The following ROBO1 variants were observed in gnomAD, a reference collection of about 807,000 sequenced individuals.
ROBO1 encodes roundabout guidance receptor 1.
Under a neutral mutation model 195.9 loss-of-function variants are expected in ROBO1, and 149 were observed. The ratio of observed to expected loss-of-function variants is 0.76; its 90% CI spans 0.67 to 0.87. ROBO1 has a LOEUF of 0.87. Ranked by LOEUF, ROBO1 falls within the 40% of genes least tolerant of loss-of-function variation. The pLI, the probability that ROBO1 is intolerant of heterozygous loss-of-function variation, is 0.00. For missense variants in ROBO1, 1,933 were observed against 2,068.3 expected (o/e 0.93, Z 1.27); for synonymous variants, 816 against 733.2 (o/e 1.11, Z -1.82).
At chr3:79,139,585 G>A (rs1221805900) in intron 2 of ROBO1, among the ~76,000 whole-genome samples, 1 of 152,062 alleles carries the variant, frequency 6.6e-6, no homozygotes, top group African/African-American at 2.4e-5. Flanking sequence ...GTCCGGTTGA[G>A]GTCTGCATTT....
intron 3 of ROBO1, among the ~76,000 whole-genome samples, chr3:78,944,758 C>T (rs1293475207): frequency 6.6e-6 from 1 of 152,188 alleles, no homozygotes; most frequent in Admixed American, 6.5e-5. Context: ...AATTCCCTTT[C>T]CTAGTCAAAG....
At chr3:79,615,568 A>T (rs9818953) in intron 1 of ROBO1, among the ~76,000 whole-genome samples, 3,898 of 152,056 alleles carry the variant, frequency 0.026, 72 homozygotes, top group Non-Finnish European at 0.04. Flanking sequence ...CAGCACTCAA[A>T]CCTAAGCTAA....
At chr3:78,992,980 A>G (rs1050816161) in intron 3 of ROBO1, among the ~76,000 whole-genome samples, 1 of 152,182 alleles carries the variant, frequency 6.6e-6, no homozygotes, top group Admixed American at 6.6e-5. Context: ...CTAGTTGGCC[A>G]TGGAGTGGCA....
intron 4 of ROBO1, among the ~76,000 whole-genome samples, chr3:78,769,902 T>C (rs913123520): frequency 6.6e-6 from 1 of 152,052 alleles, no homozygotes. Flanking sequence ...TGAAAATAGG[T>C]CCCCAATCCC....
chr3:79,661,276 C>T (rs1946320700), intron 1 of ROBO1, among the ~76,000 whole-genome samples: 1 of 152,078 alleles, frequency 6.6e-6, no homozygotes, highest in Admixed American at 6.6e-5. Flanking sequence ...GCAGAAAGAT[C>T]TGGCTATGCT....
chr3:79,289,928 TAAATGGTCTCTCTG>T (rs1345559022), intron 2 of ROBO1, among the ~76,000 whole-genome samples: 2 of 152,112 alleles, frequency 1.3e-5, no homozygotes, highest in Non-Finnish European at 2.9e-5. Flanking sequence ...TTTCAATAGT[TAAATGGTCTCTCTG>T]AAGGTACACA....
chr3:79,686,199 T>C (rs1947107429), intron 1 of ROBO1, among the ~76,000 whole-genome samples: 1 of 152,144 alleles, frequency 6.6e-6, no homozygotes, highest in Non-Finnish European at 1.5e-5. Context: ...CTCAATAAAT[T>C]AGGTATTGAT....
intron 8 of ROBO1, among the ~76,000 whole-genome samples, chr3:78,708,115 G>T (rs1171778053): frequency 6.6e-6 from 1 of 152,134 alleles, no homozygotes; most frequent in Non-Finnish European, 1.5e-5. Flanking sequence ...AGTTACAAAA[G>T]GAGTGGAAAG....
intron 2 of ROBO1, among the ~76,000 whole-genome samples, chr3:79,487,062 G>T (rs192060499): frequency 6.6e-6 from 1 of 152,000 alleles, no homozygotes; most frequent in African/African-American, 2.4e-5. Context: ...CCTTTGTCTT[G>T]TCACTCCTCT....
At chr3:79,675,148 G>T (rs946229070) in intron 1 of ROBO1, among the ~76,000 whole-genome samples, 1 of 151,818 alleles carries the variant, frequency 6.6e-6, no homozygotes, top group Non-Finnish European at 1.5e-5. Context: ...CATTAAACGT[G>T]CATTTGGTCA....
At chr3:79,111,317 T>A (rs1172985891) in intron 3 of ROBO1, among the ~76,000 whole-genome samples, 1 of 152,076 alleles carries the variant, frequency 6.6e-6, no homozygotes, top group African/African-American at 2.4e-5. Flanking sequence ...GTGTGAAAGT[T>A]TAGAGGATCG....
chr3:79,539,024 A>G (rs114465854), intron 2 of ROBO1, among the ~76,000 whole-genome samples: 1,668 of 152,268 alleles, frequency 0.011, 31 homozygotes, highest in African/African-American at 0.038. Context: ...CAAGATGACA[A>G]TTGTGAGGGT....
At chr3:79,492,352 G>A (rs550162158) in intron 2 of ROBO1, among the ~76,000 whole-genome samples, 2 of 149,806 alleles carry the variant, frequency 1.3e-5, no homozygotes, top group African/African-American at 4.9e-5. Flanking sequence ...TTGAACCCGG[G>A]AGGCAGAGGT....
At chr3:78,682,360 T>C (rs540934107) in intron 10 of ROBO1, among the ~76,000 whole-genome samples, 60 of 151,230 alleles carry the variant, frequency 4.0e-4, no homozygotes, top group African/African-American at 1.4e-3. Flanking sequence ...CTGACACACT[T>C]TGTACATTTA....
chr3:79,652,292 G>A (rs931246500), intron 1 of ROBO1, among the ~76,000 whole-genome samples: 2 of 151,886 alleles, frequency 1.3e-5, no homozygotes, highest in African/African-American at 2.4e-5. Context: ...TGTCTTTCTT[G>A]TCTCTCTTTT....
intron 3 of ROBO1, among the ~76,000 whole-genome samples, chr3:79,001,789 A>G (rs2077510448): frequency 1.3e-5 from 2 of 152,160 alleles, no homozygotes; most frequent in Admixed American, 1.3e-4. Context: ...CTTTAATAAT[A>G]CTGAAGGCAA....
rs1553750391 is a variant in ROBO1, at chr3:78,860,326, ATT to A, written c.499+78273_499+78274del. On this transcript the variant is annotated intron_variant, in intron 4 of 30. Transcript: ENST00000464233. ...ACTATATATATATATATATATATAT[ATT>A]TTTTTTTTTTTACTCATAAGGTGTT... Among the ~76,000 whole-genome samples the A allele has an allele frequency of 2.4e-4, 22 of 93,518 alleles. 1 individual carries two copies. The highest frequency in any genetic ancestry group is 8.5e-4 in the African/African-American group (19 of 22,224). 61.4% of individuals were successfully genotyped at this position (93,518 alleles called of 152,430 possible).
chr3:79,678,745 A>T (rs1204597559), intron 1 of ROBO1, among the ~76,000 whole-genome samples: 1 of 152,136 alleles, frequency 6.6e-6, no homozygotes, highest in Non-Finnish European at 1.5e-5. Flanking sequence ...GGTAGAAATT[A>T]TACCACAAAG....
intron 2 of ROBO1, among the ~76,000 whole-genome samples, chr3:79,147,793 T>G (rs2080683821): frequency 6.6e-6 from 1 of 152,010 alleles, no homozygotes; most frequent in Non-Finnish European, 1.5e-5. Flanking sequence ...ACACTTGTTA[T>G]TGATGCACTT....
Sources: gnomAD v4.1 joint callset for allele counts (sites outside exome capture counted in the v4.1 genomes callset) on GRCh38, gnomAD v4.1.1 for gene constraint, MANE v1.5 for transcripts, NCBI Gene and HGNC (gene_info 2026-07-23, HGNC 2026-07-21) for gene names.